Variants in RYR2 observed in about 807,000 individuals in gnomAD.
The protein encoded by RYR2 is cardiac muscle ryanodine receptor-calcium release channel.
A neutral mutation model predicts 601.1 loss-of-function variants in RYR2; 227 were observed. That is an observed-to-expected ratio of 0.38 (90% CI 0.34 to 0.42). The LOEUF (loss-of-function observed/expected upper bound fraction) is 0.42. Ranked by LOEUF, RYR2 falls within the 10% of genes least tolerant of loss-of-function variation. The pLI is 1.00. For synonymous variants in RYR2, 2,223 were observed against 2,175.1 expected, an observed-to-expected ratio of 1.02 and a Z score of -0.61; for missense variants, 4,646 against 6,156.5, an observed-to-expected ratio of 0.75 and a Z score of 8.21.
intron 5 of RYR2, among the ~76,000 whole-genome samples, chr1:237,366,499 T>C (rs1332561559): frequency 5.3e-5 from 8 of 152,076 alleles, no homozygotes; most frequent in Non-Finnish European, 7.4e-5. Flanking sequence ...ACTCCTGGGC[T>C]CCAGTGATCT....
At chr1:237,394,607 A>G (rs12407312) in intron 10 of RYR2, among the ~76,000 whole-genome samples, 19,487 of 152,180 alleles carry the variant, frequency 0.13, 1,643 homozygotes, top group East Asian at 0.3. Flanking sequence ...AAACGCTTAT[A>G]ATTTCACTCT....
At position 237,534,695 on chromosome 1, in the gene RYR2, A is replaced by G. The variant is rs145315515; in HGVS notation, c.2906+4185A>G. Among the ~76,000 whole-genome samples the G allele has an allele frequency of 2.9e-3, 436 of 152,118 alleles. 1 individual carries two copies. Among genetic ancestry groups the G allele is most frequent in the African/African-American group, 0.01 (417 of 41,564 alleles). ...CTTATTTACCACTCTGCCTTTGTTT[A>G]TTTCTAGTTAAAAAGATAACCCATA... On this transcript the variant is annotated intron_variant, in intron 25 of 104. Coordinates refer to ENST00000366574, the MANE Select transcript of RYR2 (RefSeq NM_001035.3).
At position 237,366,480 on chromosome 1, in the gene RYR2, C is replaced by A. The variant is rs140119250; in HGVS notation, c.309+2108C>A. 9.2e-3 allele frequency among the ~76,000 whole-genome samples: 1,402 copies of A among 152,154 alleles called. 11 individuals carry two copies. The highest frequency in any genetic ancestry group is 0.011 in the Non-Finnish European group (759 of 68,008). On this transcript the variant is annotated intron_variant, in intron 5 of 104. Transcript: ENST00000366574. ...ACAGTGGCATGAACATAGCTCACTG[C>A]AACCTGGAACTCCTGGGCTCCAGTG... is the stretch of plus-strand genomic sequence containing the variant.
chr1:237,643,619 C>CTT lies in RYR2; in HGVS notation c.7342+182_7342+183dup, dbSNP rs113722212. 0.34 allele frequency among the ~76,000 whole-genome samples: 50,668 copies of CTT among 147,234 alleles called. 9,217 individuals are homozygous for CTT. Among genetic ancestry groups the CTT allele is most frequent in the African/African-American group, 0.47 (18,725 of 39,990 alleles). ...AAAGTATATATTTTATAATTTTTTC[C>CTT]TTTTTTTTTTTGAATTAGAGCCTTG... On this transcript the variant is annotated intron_variant, in intron 48 of 104. Coordinates refer to ENST00000366574, the MANE Select transcript of RYR2 (RefSeq NM_001035.3).
At chr1:237,459,429 T>C (rs1659215833) in intron 16 of RYR2, among the ~76,000 whole-genome samples, 1 of 152,118 alleles carries the variant, frequency 6.6e-6, no homozygotes, top group Non-Finnish European at 1.5e-5. Flanking sequence ...AAGAAGAATT[T>C]CATGTATGAA....
intron 61 of RYR2, among the ~76,000 whole-genome samples, chr1:237,679,663 A>T (rs890928319): frequency 6.6e-6 from 1 of 152,218 alleles, no homozygotes; most frequent in African/African-American, 2.4e-5. Flanking sequence ...TCCTGGAAAG[A>T]GAGACTTTAA....
chr1:237,048,248 A>G (rs1660833937), intron 1 of RYR2, among the ~76,000 whole-genome samples: 1 of 152,222 alleles, frequency 6.6e-6, no homozygotes, highest in Non-Finnish European at 1.5e-5. Flanking sequence ...TTAGAACAAC[A>G]GTGCCTGGCT....
intron 2 of RYR2, among the ~76,000 whole-genome samples, chr1:237,291,318 A>T (rs1692164382): frequency 6.6e-6 from 1 of 152,004 alleles, no homozygotes; most frequent in Non-Finnish European, 1.5e-5. Context: ...AGCAACAGGA[A>T]CTCTCATTCA....
intron 1 of RYR2, among the ~76,000 whole-genome samples, chr1:237,093,696 T>C (rs570575627): frequency 6.6e-6 from 1 of 152,220 alleles, no homozygotes; most frequent in East Asian, 1.9e-4. Flanking sequence ...CCCTTAGAAA[T>C]TGGATCTTAA....
intron 82 of RYR2, 33 bp downstream of exon 82, chr1:237,757,809 T>G: frequency 7.5e-7 from 1 of 1,335,448 alleles, no homozygotes; most frequent in South Asian, 1.2e-5. Context: ...ATAATGTACT[T>G]TTCAGACAAA....
intron 1 of RYR2, among the ~76,000 whole-genome samples, chr1:237,164,086 G>A (rs1408526924): frequency 3.3e-5 from 5 of 152,216 alleles, no homozygotes; most frequent in African/African-American, 4.8e-5. Context: ...AGGAGTTCAA[G>A]ACCAGCCTGG....
At position 237,595,551 on chromosome 1, in the gene RYR2, G is replaced by A. The variant is rs1217813709; in HGVS notation, c.4490G>A (p.Gly1497Glu). The A allele has an allele frequency of 6.2e-7, 1 of 1,613,648 alleles. No homozygotes were observed. The highest frequency in any genetic ancestry group is 8.5e-7 in the Non-Finnish European group (1 of 1,179,748). ...TGTGCGGGTGAGAGCATGAGCCCCG[G>A]GCAAGGACGCAACAATAATGGACTG... ...MVCAGESMSP[G>E]QGRNNNGLEI... Residue 1497 changes from glycine to glutamate, a missense_variant, in exon 34 of 105, where the codon GGG becomes GAG. Transcript: ENST00000366574.
intron 89 of RYR2, among the ~76,000 whole-genome samples, chr1:237,782,347 A>ATGAT (rs949984183): frequency 6.6e-6 from 1 of 152,140 alleles, no homozygotes; most frequent in Non-Finnish European, 1.5e-5. Context: ...CAAAATAGAA[A>ATGAT]TGATAGATAT....
intron 3 of RYR2, chr1:237,333,515 T>C: frequency 4.6e-6 from 2 of 436,848 alleles, no homozygotes; most frequent in Admixed American, 4.9e-5. Flanking sequence ...CCTGGGGTGG[T>C]CAGGGTTAGG....
rs778157273 is a variant in RYR2, at chr1:237,651,512, G to A, written c.7824+11G>A. 2.0e-6 allele frequency: 3 copies of A among 1,488,076 alleles called. No homozygotes were observed. The highest frequency in any genetic ancestry group is 2.8e-6 in the Non-Finnish European group (3 of 1,085,692). The allele number at this position is 1,488,076 out of a possible 1,614,324, so 92.2% of individuals were successfully genotyped here. ...AAGATGCCTCTTAAAGTAAGTATAG[G>A]AAATGTTTGTAGATATTTGATTACT... On this transcript the variant is annotated intron_variant, in intron 51 of 104. Transcript: ENST00000366574.
intron 79 of RYR2, among the ~76,000 whole-genome samples, chr1:237,738,412 G>A (rs1453346002): frequency 3.3e-5 from 5 of 152,022 alleles, no homozygotes; most frequent in East Asian, 1.9e-4. Context: ...GAGAATTTAC[G>A]TGTTATCCTA....
At chr1:237,091,634 A>C (rs1285249415) in intron 1 of RYR2, among the ~76,000 whole-genome samples, 1 of 152,150 alleles carries the variant, frequency 6.6e-6, no homozygotes, top group East Asian at 1.9e-4. Context: ...CATGTTGCCC[A>C]GGCTGGTCTC....
intron 38 of RYR2, among the ~76,000 whole-genome samples, chr1:237,618,226 A>G (rs532868501): frequency 2.0e-5 from 3 of 152,220 alleles, no homozygotes; most frequent in African/African-American, 7.2e-5. Context: ...CTTTGAGGAA[A>G]GGGATGTGGA....
At chr1:237,508,490 A>G (rs1665500112) in intron 23 of RYR2, among the ~76,000 whole-genome samples, 1 of 151,576 alleles carries the variant, frequency 6.6e-6, no homozygotes, top group East Asian at 1.9e-4. Flanking sequence ...AATGTAAAAC[A>G]AACAGCAAAA....
Sources: gnomAD v4.1 joint callset for allele counts (sites outside exome capture counted in the v4.1 genomes callset) on GRCh38, gnomAD v4.1.1 for gene constraint, MANE v1.5 for transcripts, NCBI Gene and HGNC (gene_info 2026-07-23, HGNC 2026-07-21) for gene names.